Variants in NCOA2 observed in about 807,000 individuals in gnomAD.
The protein encoded by NCOA2 is class E basic helix-loop-helix protein 75.
In NCOA2, 21 loss-of-function variants were observed where a neutral mutation model predicts 145.1. The ratio of observed to expected loss-of-function variants is 0.14; its 90% CI spans 0.10 to 0.21. NCOA2 has a LOEUF of 0.21. Among genes scored for constraint, NCOA2 ranks in the 10% least tolerant of loss-of-function variants. The pLI, the probability that NCOA2 is intolerant of heterozygous loss-of-function variation, is 1.00. For missense variants in NCOA2, 1,472 were observed against 1,837.6 expected (o/e 0.80, Z 3.64); for synonymous variants, 619 against 637.5 (o/e 0.97, Z 0.44).
intron 10 of NCOA2, among the ~76,000 whole-genome samples, chr8:70,159,244 T>TATATACATATATATATATATGTATATATA: frequency 1.4e-5 from 1 of 69,304 alleles, no homozygotes; most frequent in Non-Finnish European, 2.9e-5. Context: ...ATATATATAT[T>TATATACATATATATATATATGTATATATA]TTTTTTTTTT....
At chr8:70,241,239 A>C (rs1311291695) in intron 2 of NCOA2, among the ~76,000 whole-genome samples, 1 of 152,150 alleles carries the variant, frequency 6.6e-6, no homozygotes, top group Non-Finnish European at 1.5e-5. Flanking sequence ...AAAGAAACTA[A>C]GTAAGAAAAT....
chr8:70,203,428 T>C (rs979529482), intron 4 of NCOA2, among the ~76,000 whole-genome samples: 2 of 152,094 alleles, frequency 1.3e-5, no homozygotes, highest in Admixed American at 6.6e-5. Flanking sequence ...ATCGTTCTTA[T>C]TGATTTGTTT....
At chr8:70,439,822 C>G in the NCOA2 span, among the ~76,000 whole-genome samples, 2 of 152,192 alleles carry the variant, frequency 1.3e-5, no homozygotes, top group African/African-American at 4.8e-5. Flanking sequence ...CGTCGCTGTC[C>G]TTTCAGGGCT....
At chr8:70,373,168 T>C (rs1811364389) in intron 1 of NCOA2, among the ~76,000 whole-genome samples, 1 of 152,204 alleles carries the variant, frequency 6.6e-6, no homozygotes, top group Non-Finnish European at 1.5e-5. Context: ...TACAAGACAC[T>C]TTCTAAAAAA....
intron 12 of NCOA2, among the ~76,000 whole-genome samples, chr8:70,147,951 A>G (rs1811289375): frequency 6.6e-6 from 1 of 152,220 alleles, no homozygotes; most frequent in Non-Finnish European, 1.5e-5. Context: ...TATTAAACAC[A>G]TAAAATCCAG....
At chr8:70,203,034 G>T (rs1188746718) in intron 4 of NCOA2, among the ~76,000 whole-genome samples, 1 of 152,142 alleles carries the variant, frequency 6.6e-6, no homozygotes, top group East Asian at 1.9e-4. Context: ...GGAGGCTGAG[G>T]CAGGTGGATC....
the NCOA2 span, among the ~76,000 whole-genome samples, chr8:70,449,251 A>G: frequency 6.6e-6 from 1 of 152,262 alleles, no homozygotes; most frequent in African/African-American, 2.4e-5. Context: ...AAGATGAAAT[A>G]GAAGCACCTG....
chr8:70,454,568 T>G, the NCOA2 span, among the ~76,000 whole-genome samples: 1 of 152,210 alleles, frequency 6.6e-6, no homozygotes, highest in Admixed American at 6.5e-5. Flanking sequence ...ACTCCAATTT[T>G]TAGCTTGACA....
At chr8:70,207,724 C>G (rs567132394) in intron 4 of NCOA2, among the ~76,000 whole-genome samples, 1 of 151,706 alleles carries the variant, frequency 6.6e-6, no homozygotes, top group African/African-American at 2.4e-5. Flanking sequence ...ATTAGCCAGG[C>G]ATGGTGGTGG....
Position 70,156,362 on chromosome 8 carries a change from G to T in NCOA2, c.2003C>A (p.Ser668Tyr). Residue 668 changes from serine (S) to tyrosine (Y), a missense_variant, in exon 11 of 23, where the codon TCC (serine) becomes TAC (tyrosine). Physicochemically the swap from Ser to Tyr is moderately radical, Grantham distance 144 (BLOSUM62 -2). This residue lies in a region of NCOA2 where 953 missense variants were observed against 1,062.1 expected (regional missense o/e 0.90). Transcript: ENST00000452400. The part of the protein sequence containing the change: ...ASSLSDTNKD[S>Y]TGSLPGSGST... ...CCCAGAACCAGGCAAGCTACCTGTG[G>T]AGTCTTTGTTTGTATCCGACAAAGA... is the stretch of plus-strand genomic sequence containing the variant. The T allele has an allele frequency of 6.2e-7, 1 of 1,613,918 alleles. No individual in the cohort carries two copies. The highest frequency in any genetic ancestry group is 8.5e-7 in the Non-Finnish European group (1 of 1,179,890).
At position 70,110,462 on chromosome 8, in the gene NCOA2, G is replaced by A. The variant is rs1162127626; in HGVS notation, c.*3170C>T. 5.1e-6 allele frequency: 1 copy of A among 196,466 alleles called. No homozygotes were observed. The highest frequency in any genetic ancestry group is 2.3e-5 in the African/African-American group (1 of 43,296). 12.2% of individuals were successfully genotyped at this position (196,466 alleles called of 1,614,324 possible). A position where few individuals can be genotyped will look rare whatever the true frequency, so the allele number is the denominator to read the frequency against. ...CAGGGAGAAAATTCTAATTAAAATCGAAGCCACTACAGTAATTTTCTTTTG... is the reference window on the plus strand; with the variant it reads ...CAGGGAGAAAATTCTAATTAAAATCAAAGCCACTACAGTAATTTTCTTTTG... On this transcript the variant is annotated 3_prime_UTR_variant, in exon 23 of 23. Transcript: ENST00000452400.
chr8:70,402,940 C>G (rs1756530710), intron 1 of NCOA2, among the ~76,000 whole-genome samples: 1 of 145,296 alleles, frequency 6.9e-6, no homozygotes, highest in African/African-American at 2.5e-5. Flanking sequence ...CCCCGCCCGC[C>G]GCAGCTCCTT....
intron 1 of NCOA2, among the ~76,000 whole-genome samples, chr8:70,306,470 T>A (rs140807393): frequency 6.6e-6 from 1 of 152,302 alleles, no homozygotes; most frequent in East Asian, 1.9e-4. Flanking sequence ...ATATCTAACA[T>A]ACAAAACATA....
intron 1 of NCOA2, among the ~76,000 whole-genome samples, chr8:70,332,915 T>A (rs1473114257): frequency 6.6e-6 from 1 of 152,188 alleles, no homozygotes; most frequent in African/African-American, 2.4e-5. Context: ...TGGAGTACAA[T>A]GCCTAGAACT....
intron 13 of NCOA2, among the ~76,000 whole-genome samples, chr8:70,142,940 G>GTTTTTT (rs1245343063): frequency 6.7e-6 from 1 of 150,120 alleles, no homozygotes; most frequent in Non-Finnish European, 1.5e-5. Flanking sequence ...CTCAGTCTGT[G>GTTTTTT]TTTTGTTTTT....
intron 4 of NCOA2, 122 bp downstream of exon 4, chr8:70,213,781 A>G: frequency 1.2e-6 from 1 of 813,226 alleles, no homozygotes; most frequent in Non-Finnish European, 1.9e-6. Context: ...ACACTGTGAC[A>G]TCATTTCCTC....
At chr8:70,426,687 C>A in the NCOA2 span, among the ~76,000 whole-genome samples, 1 of 152,186 alleles carries the variant, frequency 6.6e-6, no homozygotes, top group Non-Finnish European at 1.5e-5. Context: ...ATTTCTTGCA[C>A]CTTGTTCTGT....
At chr8:70,284,756 GT>G (rs1266434741) in intron 2 of NCOA2, among the ~76,000 whole-genome samples, 1 of 152,090 alleles carries the variant, frequency 6.6e-6, no homozygotes, top group African/African-American at 2.4e-5. Context: ...TCATGAGATT[GT>G]TAGGAAAGAA....
intron 1 of NCOA2, among the ~76,000 whole-genome samples, chr8:70,357,015 C>T (rs192081246): frequency 9.2e-5 from 14 of 152,288 alleles, no homozygotes; most frequent in Middle Eastern, 3.4e-3. Flanking sequence ...GTAGCTTCTA[C>T]ATTTTATAAA....
Sources: gnomAD v4.1 joint callset for allele counts (sites outside exome capture counted in the v4.1 genomes callset) on GRCh38, gnomAD v4.1.1 for gene constraint, gnomAD v4.1.1 regional missense constraint, MANE v1.5 for transcripts, NCBI Gene and HGNC (gene_info 2026-07-23, HGNC 2026-07-21) for gene names.